The following ULK4 variants were observed in gnomAD, a reference collection of about 807,000 sequenced individuals.
The protein encoded by ULK4 is unc-51 like kinase 4.
A neutral mutation model predicts 160.6 loss-of-function variants in ULK4; 133 were observed. That is an observed-to-expected ratio of 0.83 (90% CI 0.72 to 0.96). The LOEUF is 0.96. Ranked by LOEUF, ULK4 falls within the 40% of genes least tolerant of loss-of-function variation. The pLI is 0.00. For synonymous variants in ULK4, 534 were observed against 539.8 expected, an observed-to-expected ratio of 0.99 and a Z score of 0.15; for missense variants, 1,580 against 1,499.5, an observed-to-expected ratio of 1.05 and a Z score of -0.89.
At chr3:41,961,178 C>G (rs140488651) in intron 1 of ULK4, among the ~76,000 whole-genome samples, 1 of 152,134 alleles carries the variant, frequency 6.6e-6, no homozygotes, top group South Asian at 2.1e-4. Flanking sequence ...ATTTAAGAGT[C>G]GGGGGCAGGT....
intron 35 of ULK4, among the ~76,000 whole-genome samples, chr3:41,268,901 G>A (rs2079092277): frequency 6.7e-6 from 1 of 150,114 alleles, no homozygotes; most frequent in Admixed American, 6.6e-5. Flanking sequence ...TTTCCACACA[G>A]CTGCTACAGA....
intron 35 of ULK4, among the ~76,000 whole-genome samples, chr3:41,287,067 T>A (rs936839278): frequency 2.0e-5 from 3 of 152,218 alleles, no homozygotes; most frequent in African/African-American, 7.2e-5. Flanking sequence ...CTGTGAAAGA[T>A]GCCTGTCAGC....
At chr3:41,741,217 T>C (rs115147939) in intron 22 of ULK4, among the ~76,000 whole-genome samples, 16 of 151,990 alleles carry the variant, frequency 1.1e-4, no homozygotes, top group Non-Finnish European at 1.9e-4. Context: ...TGAGTAAAGA[T>C]AAATAATCTC....
rs1275419200 is a variant in ULK4 at position 41,705,322 on chromosome 3, T to G, written c.2635-17A>C. The G allele has an allele frequency of 6.3e-7, 1 of 1,582,222 alleles. No homozygotes were observed. Among genetic ancestry groups the G allele is most frequent in the African/African-American group, 1.4e-5 (1 of 73,152 alleles). On this transcript the variant is annotated splice_polypyrimidine_tract_variant and intron_variant, in intron 25 of 36. Coordinates refer to ENST00000301831, the MANE Select transcript of ULK4 (RefSeq NM_017886.4). The stretch of plus-strand genomic sequence containing the variant: ...AATATGACTCTGAAAAAAAATAAAT[T>G]TTTAATAAATAGAGTTTCAAAGTAA...
chr3:41,284,246 C>A (rs2079418045), intron 35 of ULK4, among the ~76,000 whole-genome samples: 1 of 152,044 alleles, frequency 6.6e-6, no homozygotes. Context: ...AAAAACAATT[C>A]TAAAATTCAT....
At chr3:41,654,122 C>T (rs774919389) in intron 30 of ULK4, among the ~76,000 whole-genome samples, 57 of 152,156 alleles carry the variant, frequency 3.7e-4, no homozygotes, top group Admixed American at 1.2e-3. Context: ...TGGAGTCCAA[C>T]AGACACAAAC....
chr3:41,567,387 A>G (rs2087817393), intron 31 of ULK4, among the ~76,000 whole-genome samples: 1 of 151,548 alleles, frequency 6.6e-6, no homozygotes, highest in South Asian at 2.1e-4. Flanking sequence ...GGGACTGCAT[A>G]TGATTTGAAA....
intron 30 of ULK4, among the ~76,000 whole-genome samples, chr3:41,643,640 T>C (rs936159163): frequency 1.3e-5 from 2 of 152,222 alleles, no homozygotes; most frequent in Middle Eastern, 3.2e-3. Context: ...CCTCCTGCTT[T>C]GTTCTTTTGG....
chr3:41,676,420 T>G (rs2035716295), intron 29 of ULK4, among the ~76,000 whole-genome samples: 1 of 152,152 alleles, frequency 6.6e-6, no homozygotes, highest in African/African-American at 2.4e-5. Context: ...AACCCTGAGC[T>G]TTAGAAAGTA....
At chr3:41,803,288 A>G (rs540951759) in intron 19 of ULK4, among the ~76,000 whole-genome samples, 1 of 152,324 alleles carries the variant, frequency 6.6e-6, no homozygotes, top group Non-Finnish European at 1.5e-5. Flanking sequence ...CAACAAAGGT[A>G]AAAGACACAT....
At chr3:41,444,062 C>T (rs879173204) in intron 34 of ULK4, among the ~76,000 whole-genome samples, 6 of 152,206 alleles carry the variant, frequency 3.9e-5, no homozygotes, top group Admixed American at 3.9e-4. Context: ...GCATAAATTT[C>T]TATAAGTGGA....
intron 35 of ULK4, among the ~76,000 whole-genome samples, chr3:41,317,063 ATT>A (rs1164870603): frequency 3.5e-4 from 33 of 94,546 alleles, no homozygotes; most frequent in African/African-American, 1.2e-3. Flanking sequence ...AATTACATCT[ATT>A]TTTTTTTTTT....
intron 2 of ULK4, among the ~76,000 whole-genome samples, chr3:41,939,496 C>CT (rs11411239): frequency 0.94 from 143,012 of 151,924 alleles, 67,920 homozygotes; most frequent in East Asian, 1. Context: ...GACAATTATC[C>CT]TTTTTTTCTT....
chr3:41,653,998 C>T (rs968567703), intron 30 of ULK4, among the ~76,000 whole-genome samples: 1 of 152,196 alleles, frequency 6.6e-6, no homozygotes, highest in African/African-American at 2.4e-5. Flanking sequence ...ACCAAAAAAG[C>T]CATTCACTTC....
intron 21 of ULK4, among the ~76,000 whole-genome samples, chr3:41,767,964 C>G (rs931677742): frequency 5.9e-5 from 9 of 152,180 alleles, no homozygotes; most frequent in African/African-American, 2.2e-4. Context: ...CTGTTAGGAA[C>G]CCGGCTGCAC....
chr3:41,598,097 A>T (rs1198371374), intron 31 of ULK4, among the ~76,000 whole-genome samples: 1 of 152,194 alleles, frequency 6.6e-6, no homozygotes, highest in Non-Finnish European at 1.5e-5. Flanking sequence ...CCTAGTGAAC[A>T]TTAAAAGAAT....
chr3:41,521,486 C>T (rs930564617), intron 32 of ULK4, among the ~76,000 whole-genome samples: 8 of 152,142 alleles, frequency 5.3e-5, no homozygotes, highest in African/African-American at 1.7e-4. Flanking sequence ...CCACCCTAAA[C>T]TCTTAGGCAC....
intron 22 of ULK4, among the ~76,000 whole-genome samples, chr3:41,739,810 C>A (rs965491099): frequency 6.6e-6 from 1 of 151,874 alleles, no homozygotes; most frequent in African/African-American, 2.4e-5. Context: ...AAGATGAAGG[C>A]TCTGCAAGGG....
At chr3:41,247,215 CCACT>C (rs981667341) in intron 36 of ULK4, among the ~76,000 whole-genome samples, 10 of 152,316 alleles carry the variant, frequency 6.6e-5, no homozygotes, top group Non-Finnish European at 1.5e-4. Flanking sequence ...GCCCCAGCCA[CCACT>C]CACTATCTGA....
Sources: allele counts gnomAD v4.1 joint callset (sites outside exome capture counted in the v4.1 genomes callset), GRCh38; gene constraint gnomAD v4.1.1; transcripts MANE v1.5; gene names NCBI Gene and HGNC (gene_info 2026-07-23, HGNC 2026-07-21).